The following KCNT2 variants were observed in gnomAD, a reference collection of about 807,000 sequenced individuals.
KCNT2 encodes potassium sodium-activated channel subfamily T member 2, also known as potassium channel subfamily T member 2.
Under a neutral mutation model 153.8 loss-of-function variants are expected in KCNT2, and 67 were observed. The observed-to-expected ratio is 0.44, with a 90% CI of 0.36 to 0.53. KCNT2 has a LOEUF of 0.53. KCNT2 is among the 20% of genes least tolerant of loss of function. KCNT2 has a pLI of 0.00. For synonymous variants in KCNT2, 500 were observed against 458.8 expected, an observed-to-expected ratio of 1.09 and a Z score of -1.15; for missense variants, 975 against 1,354.8, an observed-to-expected ratio of 0.72 and a Z score of 4.40.
At chr1:196,263,995 G>T (rs113808383) in intron 25 of KCNT2, among the ~76,000 whole-genome samples, 7,554 of 151,764 alleles carry the variant, frequency 0.05, 285 homozygotes, top group Non-Finnish European at 0.071. Context: ...TTACACTTTG[G>T]TCTCTGTGGA....
rs543999423 is a variant in KCNT2 at position 196,496,423 on chromosome 1, G to A, written c.96-4082C>T. Among the ~76,000 whole-genome samples, 12 of 150,406 alleles carry A rather than the reference G, an allele frequency of 8.0e-5. No homozygotes were observed. In the East Asian group the frequency reaches 2.2e-3, roughly 27 times the overall value. On this transcript the variant is annotated intron_variant, in intron 1 of 27. Coordinates refer to ENST00000294725, the MANE Select transcript of KCNT2 (RefSeq NM_198503.5). Reference sequence around the variant, plus strand: ...GCAGAGGTTGCAGTGAGCCGAGATCGTGCCACTGCACTCCAGCCTGGGCGA... The same window carrying A: ...GCAGAGGTTGCAGTGAGCCGAGATCATGCCACTGCACTCCAGCCTGGGCGA...
rs527596622 is a variant in KCNT2, at chr1:196,460,882, G to A, written c.638+4411C>T. ...TACATTTCTCACTTTTTGTGACTTC[G>A]TCTTATTTTGTTTTCAAAAATTATA... On this transcript the variant is annotated intron_variant, in intron 8 of 27. Transcript: ENST00000294725. 1.7e-4 allele frequency among the ~76,000 whole-genome samples: 26 copies of A among 150,776 alleles called. No individual in the cohort carries two copies. The East Asian group carries it at 1.9e-3, about 11-fold the overall frequency.
intron 1 of KCNT2, among the ~76,000 whole-genome samples, chr1:196,515,999 G>A (rs564783166): frequency 6.6e-5 from 10 of 152,266 alleles, no homozygotes; most frequent in South Asian, 6.2e-4. Flanking sequence ...AGGCACATGC[G>A]AAGCCCCAGG....
At chr1:196,294,919 G>T (rs1030082508) in intron 22 of KCNT2, among the ~76,000 whole-genome samples, 6 of 151,812 alleles carry the variant, frequency 4.0e-5, no homozygotes, top group African/African-American at 1.4e-4. Flanking sequence ...ATAAGGGGAT[G>T]TTGATCAAAA....
At chr1:196,408,832 A>T (rs1378567172) in intron 12 of KCNT2, among the ~76,000 whole-genome samples, 1 of 151,550 alleles carries the variant, frequency 6.6e-6, no homozygotes, top group African/African-American at 2.4e-5. Flanking sequence ...GTACTTGAAA[A>T]CTGGAATTCC....
chr1:196,594,607 C>A (rs1663825196), intron 1 of KCNT2, among the ~76,000 whole-genome samples: 1 of 151,930 alleles, frequency 6.6e-6, no homozygotes, highest in Non-Finnish European at 1.5e-5. Context: ...TATGTTATAC[C>A]TTCAAAAATA....
chr1:196,514,548 A>G (rs1006743308), intron 1 of KCNT2, among the ~76,000 whole-genome samples: 2 of 152,172 alleles, frequency 1.3e-5, no homozygotes, highest in African/African-American at 4.8e-5. Flanking sequence ...CAAAAATTAC[A>G]GTTAAAATGC....
intron 6 of KCNT2, 119 bp from the exon 7 acceptor site, chr1:196,467,905 C>A: frequency 2.0e-6 from 1 of 493,034 alleles, no homozygotes; most frequent in Non-Finnish European, 3.7e-6. Flanking sequence ...TAAAATATGA[C>A]AAATAATGTA....
intron 26 of KCNT2, among the ~76,000 whole-genome samples, chr1:196,253,094 G>A (rs540582889): frequency 6.6e-5 from 10 of 151,038 alleles, no homozygotes; most frequent in South Asian, 4.2e-4. Context: ...TAAATTTTAG[G>A]TAGAGTTCTC....
In KCNT2 at chr1:196,359,781, A is replaced by T. The variant is rs185602251; in HGVS notation, c.1403+13359T>A. On this transcript the variant is annotated intron_variant, in intron 14 of 27. Transcript: ENST00000294725. ...TTAACAAAACCTTCTAGGAAGGCAG[A>T]GGAAACAGCATTAAAAAAAGATGTA... 3.0e-3 allele frequency among the ~76,000 whole-genome samples: 455 copies of T among 152,144 alleles called. 9 individuals are homozygous for T. The highest frequency in any genetic ancestry group is 0.027 in the Admixed American group (407 of 15,238).
chr1:196,530,969 G>A (rs760318906), intron 1 of KCNT2, among the ~76,000 whole-genome samples: 1 of 152,034 alleles, frequency 6.6e-6, no homozygotes, highest in Non-Finnish European at 1.5e-5. Context: ...AGAATTATTT[G>A]TTAGTTTCCG....
At chr1:196,468,119 T>C (rs1677773106) in intron 6 of KCNT2, among the ~76,000 whole-genome samples, 1 of 152,136 alleles carries the variant, frequency 6.6e-6, no homozygotes, top group Non-Finnish European at 1.5e-5. Flanking sequence ...ACTTGAGGTA[T>C]TAAGTAGGAA....
intron 14 of KCNT2, among the ~76,000 whole-genome samples, chr1:196,350,567 A>G (rs1572133149): frequency 6.6e-6 from 1 of 151,092 alleles, no homozygotes; most frequent in South Asian, 2.1e-4. Flanking sequence ...TTCTTCTTGT[A>G]AATTTGTTTG....
chr1:196,292,684 G>C (rs1028097325), intron 22 of KCNT2, among the ~76,000 whole-genome samples: 1 of 152,028 alleles, frequency 6.6e-6, no homozygotes, highest in Admixed American at 6.5e-5. Context: ...GCGGGCGCCT[G>C]TGGTCCCAGC....
chr1:196,346,288 ACTAATATTTTCT>A (rs1353522167), intron 14 of KCNT2, among the ~76,000 whole-genome samples: 1 of 152,080 alleles, frequency 6.6e-6, no homozygotes. Flanking sequence ...ATATTTTAGG[ACTAATATTTTCT>A]CTAGGCAGAA....
intron 25 of KCNT2, among the ~76,000 whole-genome samples, chr1:196,271,334 G>C (rs1658046520): frequency 6.6e-6 from 1 of 151,882 alleles, no homozygotes; most frequent in African/African-American, 2.4e-5. Context: ...TTTTCATTTT[G>C]TAGACTAGCA....
At chr1:196,314,652 T>C (rs1308146830) in intron 21 of KCNT2, among the ~76,000 whole-genome samples, 2 of 151,642 alleles carry the variant, frequency 1.3e-5, no homozygotes, top group Non-Finnish European at 3.0e-5. Context: ...GCAAGGTCGG[T>C]TATTTTCTGC....
chr1:196,291,320 T>C (rs1392641592), intron 22 of KCNT2, among the ~76,000 whole-genome samples: 1 of 151,716 alleles, frequency 6.6e-6, no homozygotes, highest in African/African-American at 2.4e-5. Context: ...CCTGTCTTTT[T>C]GTTATTAACT....
At chr1:196,552,236 T>C (rs1401865356) in intron 1 of KCNT2, among the ~76,000 whole-genome samples, 2 of 151,542 alleles carry the variant, frequency 1.3e-5, no homozygotes, top group Non-Finnish European at 3.0e-5. Context: ...TCCAATTCTC[T>C]TGATACATCA....
Sources: allele counts gnomAD v4.1 joint callset (sites outside exome capture counted in the v4.1 genomes callset), GRCh38; gene constraint gnomAD v4.1.1; transcripts MANE v1.5; gene names NCBI Gene and HGNC (gene_info 2026-07-23, HGNC 2026-07-21).